Variants in NALCN observed in about 807,000 individuals in gnomAD.
NALCN encodes sodium leak channel, non-selective.
A neutral mutation model predicts 225.3 loss-of-function variants in NALCN; 111 were observed. The observed-to-expected ratio is 0.49, with a 90% CI of 0.42 to 0.58. The LOEUF (loss-of-function observed/expected upper bound fraction) is 0.58. NALCN is among the 20% of genes least tolerant of loss of function. The pLI, the probability that NALCN is intolerant of heterozygous loss-of-function variation, is 0.00. For missense variants in NALCN, 1,378 were observed against 2,202.4 expected, an observed-to-expected ratio of 0.63 and a Z score of 7.49; for synonymous variants, 764 against 769.0, an observed-to-expected ratio of 0.99 and a Z score of 0.11.
At chr13:101,412,449 A>T (rs1267514221) in intron 1 of NALCN, among the ~76,000 whole-genome samples, 2 of 152,140 alleles carry the variant, frequency 1.3e-5, no homozygotes, top group African/African-American at 4.8e-5. Flanking sequence ...CCTGCTGCGG[A>T]GGCCTACCCC....
chr13:101,375,962 C>T (rs2046677459), intron 6 of NALCN, among the ~76,000 whole-genome samples: 1 of 151,966 alleles, frequency 6.6e-6, no homozygotes, highest in South Asian at 2.1e-4. Flanking sequence ...AATGATCAGC[C>T]AAGTAGAAGA....
At chr13:101,258,365 C>T (rs2042308171) in intron 11 of NALCN, 78 bp downstream of exon 11, 2 of 1,573,850 alleles carry the variant, frequency 1.3e-6, no homozygotes, top group Admixed American at 3.5e-5. Flanking sequence ...CTACACTTCA[C>T]TTTTGCATCT....
chr13:101,227,020 G>T (rs1367183242), intron 13 of NALCN, among the ~76,000 whole-genome samples: 4 of 152,110 alleles, frequency 2.6e-5, no homozygotes, highest in Non-Finnish European at 5.9e-5. Context: ...TGATCCACCT[G>T]ACCCTTAACC....
intron 3 of NALCN, among the ~76,000 whole-genome samples, chr13:101,394,729 T>A (rs1167142242): frequency 1.3e-5 from 2 of 152,166 alleles, no homozygotes; most frequent in African/African-American, 2.4e-5. Flanking sequence ...CTTTTTTTTT[T>A]ATCCTTTTGT....
chr13:101,252,393 T>C (rs2042088233), intron 11 of NALCN, among the ~76,000 whole-genome samples: 1 of 152,182 alleles, frequency 6.6e-6, no homozygotes, highest in South Asian at 2.1e-4. Context: ...AGGGCTTAAG[T>C]AATAGATGAT....
intron 7 of NALCN, among the ~76,000 whole-genome samples, chr13:101,310,229 G>A (rs374163767): frequency 4.5e-4 from 69 of 152,240 alleles, no homozygotes; most frequent in African/African-American, 1.6e-3. Flanking sequence ...AATGCTCCAC[G>A]GGCTTTCCAT....
At chr13:101,083,359 T>C (rs2033761991) in intron 31 of NALCN, among the ~76,000 whole-genome samples, 161 bp from the exon 32 acceptor site, 1 of 152,244 alleles carries the variant, frequency 6.6e-6, no homozygotes, top group African/African-American at 2.4e-5. Flanking sequence ...TGGCTCTGAA[T>C]ATTCAAAACG....
At chr13:101,224,615 T>C (rs531956856) in intron 13 of NALCN, among the ~76,000 whole-genome samples, 1 of 152,260 alleles carries the variant, frequency 6.6e-6, no homozygotes, top group Admixed American at 6.5e-5. Flanking sequence ...CTACACCCCT[T>C]CATGACCTTT....
At chr13:101,364,811 T>C (rs1305000198) in intron 6 of NALCN, among the ~76,000 whole-genome samples, 1 of 152,158 alleles carries the variant, frequency 6.6e-6, no homozygotes, top group African/African-American at 2.4e-5. Context: ...TTATTATGCC[T>C]TACATCAATG....
chr13:101,132,293 AG>A (rs2036555453), intron 17 of NALCN, among the ~76,000 whole-genome samples: 1 of 151,928 alleles, frequency 6.6e-6, no homozygotes, highest in African/African-American at 2.4e-5. Flanking sequence ...CTGAATGTGT[AG>A]GTTTTTTTGT....
At chr13:101,211,553 A>C (rs2140077182) in intron 13 of NALCN, among the ~76,000 whole-genome samples, 1 of 152,052 alleles carries the variant, frequency 6.6e-6, no homozygotes, top group South Asian at 2.1e-4. Flanking sequence ...AAATTCCAAC[A>C]GGAGCAAGGA....
At chr13:101,369,198 G>A (rs571390971) in intron 6 of NALCN, among the ~76,000 whole-genome samples, 1 of 150,052 alleles carries the variant, frequency 6.7e-6, no homozygotes, top group African/African-American at 2.5e-5. Flanking sequence ...GTGTGTGTGT[G>A]TATGCTACTA....
intron 14 of NALCN, 120 bp from the exon 15 acceptor site, chr13:101,176,494 A>C: frequency 1.9e-6 from 1 of 538,674 alleles, no homozygotes; most frequent in Non-Finnish European, 2.9e-6. Flanking sequence ...CAAAATAAAC[A>C]TGCAGTGATG....
intron 1 of NALCN, among the ~76,000 whole-genome samples, chr13:101,405,485 C>T (rs1288216174): frequency 6.6e-6 from 1 of 152,200 alleles, no homozygotes; most frequent in African/African-American, 2.4e-5. Flanking sequence ...CTGATACCTG[C>T]ACCTCCCTCT....
Position 101,242,466 on chromosome 13 carries a change from C to A in NALCN, c.1267-4544G>T, listed in dbSNP as rs1362176691. Among the ~76,000 whole-genome samples the A allele has an allele frequency of 1.0e-4, 11 of 105,502 alleles. 3 individuals are homozygous for A. Among genetic ancestry groups the A allele is most frequent in the Non-Finnish European group, 2.3e-4 (11 of 47,302 alleles). 69.2% of individuals were successfully genotyped at this position (105,502 alleles called of 152,430 possible). On this transcript the variant is annotated intron_variant, in intron 11 of 43. Coordinates refer to ENST00000251127, the MANE Select transcript of NALCN (RefSeq NM_052867.4). ...AATTGCTGGCTCACTCATCCCTCCA[C>A]CCCACACATCTGCAAACTTCATAGT... is the stretch of plus-strand genomic sequence containing the variant.
chr13:101,192,569 T>G (rs2039724761), intron 13 of NALCN, among the ~76,000 whole-genome samples: 1 of 152,116 alleles, frequency 6.6e-6, no homozygotes, highest in Non-Finnish European at 1.5e-5. Context: ...CTAAGTGATA[T>G]TGCCACACTG....
chr13:101,411,146 G>C (rs1315963777), intron 1 of NALCN, among the ~76,000 whole-genome samples: 1 of 151,992 alleles, frequency 6.6e-6, no homozygotes, highest in East Asian at 1.9e-4. Context: ...ATCAGATTTA[G>C]AGTTTATCTA....
intron 38 of NALCN, among the ~76,000 whole-genome samples, chr13:101,068,284 C>A (rs1282601309): frequency 6.6e-6 from 1 of 152,132 alleles, no homozygotes; most frequent in Non-Finnish European, 1.5e-5. Context: ...GATAGTCATG[C>A]CAGCTGGCTT....
chr13:101,409,691 T>G (rs2047724081), intron 1 of NALCN, among the ~76,000 whole-genome samples: 1 of 152,198 alleles, frequency 6.6e-6, no homozygotes, highest in South Asian at 2.1e-4. Flanking sequence ...TTTTCAAAAT[T>G]TGCTACTATA....
Sources: gnomAD v4.1 joint callset for allele counts (sites outside exome capture counted in the v4.1 genomes callset) on GRCh38, gnomAD v4.1.1 for gene constraint, MANE v1.5 for transcripts, NCBI Gene and HGNC (gene_info 2026-07-23, HGNC 2026-07-21) for gene names.